Variants in CES5A observed in about 807,000 individuals in gnomAD.
CES5A encodes carboxylesterase 5.
A neutral mutation model predicts 62.9 loss-of-function variants in CES5A; 67 were observed. That is an observed-to-expected ratio of 1.07 (90% CI 0.88 to 1.31). CES5A has a LOEUF of 1.31. Ranked by LOEUF, CES5A falls within the 50% of genes most tolerant of loss-of-function variation. The pLI, the probability that CES5A is intolerant of heterozygous loss-of-function variation, is 0.00. For synonymous variants in CES5A, 296 were observed against 280.8 expected, an observed-to-expected ratio of 1.05 and a Z score of -0.54; for missense variants, 748 against 708.5, an observed-to-expected ratio of 1.06 and a Z score of -0.63.
At chr16:55,933,587 A>G (rs2034336202) in intron 2 of CES5A, among the ~76,000 whole-genome samples, 1 of 152,142 alleles carries the variant, frequency 6.6e-6, no homozygotes, top group African/African-American at 2.4e-5. Flanking sequence ...TTAGAGTCTT[A>G]CCTGAATTGT....
intron 10 of CES5A, among the ~76,000 whole-genome samples, chr16:55,851,623 G>T (rs138360851): frequency 2.5e-3 from 385 of 152,298 alleles, no homozygotes; most frequent in South Asian, 0.023. Flanking sequence ...TAGCATTACA[G>T]ATGATCCAGA....
intron 4 of CES5A, among the ~76,000 whole-genome samples, chr16:55,869,058 T>A (rs2033527835): frequency 6.6e-6 from 1 of 152,206 alleles, no homozygotes; most frequent in Admixed American, 6.5e-5. Context: ...CGAGAAGACC[T>A]GGGGTGAGGC....
rs374558958 is a variant in CES5A at position 55,846,517 on chromosome 16, G to A, written c.1662C>T (p.His554=). 4.3e-6 allele frequency: 7 copies of A among 1,614,086 alleles called. No individual in the cohort carries two copies. The highest frequency in any genetic ancestry group is 5.9e-6 in the Non-Finnish European group (7 of 1,180,042). The change falls in exon 13 of 13, where the codon CAC becomes CAT. Residue 554 remains histidine (H), a synonymous_variant. Transcript: ENST00000290567. ...PLILSASDML[H]SPLSSLTFLS... is the part of the protein sequence containing the mutation. Reference sequence around the variant, plus strand: ...GGAAAGTTAAGGAAGAAAGAGGACTGTGGAGCATGTCGGAGGCAGACAGGA... The same window carrying A: ...GGAAAGTTAAGGAAGAAAGAGGACTATGGAGCATGTCGGAGGCAGACAGGA...
In CES5A at chr16:55,906,959, A is replaced by C. The variant is rs925662068; in HGVS notation, c.-256+18364T>G. 8.5e-5 allele frequency among the ~76,000 whole-genome samples: 13 copies of C among 152,348 alleles called. No homozygotes were observed. In the South Asian group the frequency reaches 2.7e-3, roughly 32 times the overall value. ...CTGTGCCTCAGTTTCCTCTTTCATG[A>C]AATGGAGAGGAATAGTCTCTGCCCA... is the stretch of plus-strand genomic sequence containing the variant. On this transcript the variant is annotated intron_variant, in intron 1 of 12. Transcript: ENST00000518005.
chr16:55,876,170 C>T (rs112877543), upstream of CES5A, among the ~76,000 whole-genome samples: 6,426 of 152,308 alleles, frequency 0.042, 268 homozygotes, highest in South Asian at 0.097. Context: ...TACTTGTGCC[C>T]TGTGGCTTCC....
intron 10 of CES5A, 40 bp from the exon 11 acceptor site, chr16:55,849,813 C>T (rs12447097): frequency 0.025 from 40,292 of 1,602,974 alleles, 2,801 homozygotes; most frequent in East Asian, 0.24. Context: ...GCATGCAGCG[C>T]GGAGCAGGGG....
At chr16:55,954,142 CA>C (rs1292567246) in intron 1 of CES5A, among the ~76,000 whole-genome samples, 4 of 152,178 alleles carry the variant, frequency 2.6e-5, no homozygotes, top group African/African-American at 9.6e-5. Context: ...TGAGGACATT[CA>C]AAATGTGTCT....
chr16:55,920,098 C>G (rs1597150351), intron 1 of CES5A, among the ~76,000 whole-genome samples: 2 of 152,238 alleles, frequency 1.3e-5, no homozygotes, highest in East Asian at 1.9e-4. Context: ...AATAACCCAG[C>G]AGTCAAAGAT....
chr16:55,877,420 GTA>G (rs139169411), upstream of CES5A, among the ~76,000 whole-genome samples: 2,082 of 148,198 alleles, frequency 0.014, 41 homozygotes, highest in African/African-American at 0.043. Flanking sequence ...GTGTGTGTGT[GTA>G]TATATATATA....
At chr16:55,928,513 C>T (rs2034279886), upstream of CES5A, among the ~76,000 whole-genome samples, 1 of 152,220 alleles carries the variant, frequency 6.6e-6, no homozygotes, top group African/African-American at 2.4e-5. Flanking sequence ...ACCCAGACTT[C>T]GTCACTATAC....
intron 1 of CES5A, among the ~76,000 whole-genome samples, chr16:55,903,450 G>C (rs1377733194): frequency 6.6e-6 from 1 of 152,168 alleles, no homozygotes; most frequent in Non-Finnish European, 1.5e-5. Context: ...TATGAGTTCT[G>C]GTCTTGTTTC....
intron 1 of CES5A, among the ~76,000 whole-genome samples, 200 bp downstream of exon 1, chr16:55,874,949 T>A (rs560624557): frequency 6.6e-6 from 1 of 152,266 alleles, no homozygotes; most frequent in East Asian, 1.9e-4. Context: ...AGAACCAGGA[T>A]CTTCTGTGCG....
At chr16:55,857,771 G>A (rs2033272363) in intron 8 of CES5A, among the ~76,000 whole-genome samples, 1 of 152,146 alleles carries the variant, frequency 6.6e-6, no homozygotes, top group Non-Finnish European at 1.5e-5. Context: ...TATATGCCAG[G>A]CTTTTTGATG....
intron 1 of CES5A, among the ~76,000 whole-genome samples, chr16:55,883,290 GT>G (rs1297544853): frequency 6.6e-6 from 1 of 151,924 alleles, no homozygotes; most frequent in African/African-American, 2.4e-5. Flanking sequence ...GTTTTGTTTC[GT>G]TTTAGATGGA....
intron 1 of CES5A, among the ~76,000 whole-genome samples, chr16:55,885,752 C>T (rs1335868826): frequency 2.0e-5 from 3 of 152,134 alleles, no homozygotes; most frequent in African/African-American, 7.2e-5. Context: ...GGAGCTGGTG[C>T]CCTGGTTCAA....
intron 5 of CES5A, among the ~76,000 whole-genome samples, chr16:55,865,722 C>T (rs1278386208): frequency 2.6e-5 from 4 of 152,100 alleles, no homozygotes; most frequent in Non-Finnish European, 4.4e-5. Flanking sequence ...GGGATTTTTC[C>T]TCAAATTATT....
Position 55,854,544 on chromosome 16 carries a change from C to CTT in CES5A, c.1126-1518_1126-1517dup, listed in dbSNP as rs56017491. Among the ~76,000 whole-genome samples, 4 of 64,420 alleles carry CTT rather than the reference C, an allele frequency of 6.2e-5. 1 individual carries two copies. Among genetic ancestry groups the CTT allele is most frequent in the South Asian group, 8.6e-4 (1 of 1,164 alleles). 42.3% of individuals were successfully genotyped at this position (64,420 alleles called of 152,430 possible). A position where few individuals can be genotyped will look rare whatever the true frequency, so the allele number is the denominator to read the frequency against. Reference sequence around the variant, plus strand: ...CCTGTAGTGTTTCTTTTTTTTTTTTCTTTTTTTTTTTTTGAGACAGAGTCT... The same window carrying CTT: ...CCTGTAGTGTTTCTTTTTTTTTTTTCTTTTTTTTTTTTTTTGAGACAGAGTCT... On this transcript the variant is annotated intron_variant, in intron 9 of 12. Coordinates refer to ENST00000290567, the MANE Select transcript of CES5A (RefSeq NM_001143685.2).
chr16:55,871,958 C>T, intron 2 of CES5A, 195 bp from the exon 3 acceptor site: 1 of 552,700 alleles, frequency 1.8e-6, no homozygotes, highest in South Asian at 2.1e-5. Context: ...TTATAATTCT[C>T]ATTGATCTGG....
intron 2 of CES5A, among the ~76,000 whole-genome samples, chr16:55,947,386 G>T (rs1446989116): frequency 6.6e-6 from 1 of 152,160 alleles, no homozygotes; most frequent in East Asian, 1.9e-4. Flanking sequence ...TTTCCCATCT[G>T]AGATGCTCCT....
Sources: allele counts gnomAD v4.1 joint callset (sites outside exome capture counted in the v4.1 genomes callset), GRCh38; gene constraint gnomAD v4.1.1; transcripts MANE v1.5; gene names NCBI Gene and HGNC (gene_info 2026-07-23, HGNC 2026-07-21).